Variants in CCDC181 observed in about 807,000 individuals in gnomAD.
The protein encoded by CCDC181 is coiled-coil domain-containing protein 181.
In CCDC181, 35 loss-of-function variants were observed where a neutral mutation model predicts 58.7. The ratio of observed to expected loss-of-function variants is 0.60; its 90% confidence interval spans 0.46 to 0.79. CCDC181 has a LOEUF of 0.79. CCDC181 is among the 30% of genes least tolerant of loss of function. The pLI is 0.00. For synonymous variants in CCDC181, 183 were observed against 197.5 expected, an observed-to-expected ratio of 0.93 and a Z score of 0.62; for missense variants, 517 against 583.9, an observed-to-expected ratio of 0.89 and a Z score of 1.18.
intron 2 of CCDC181, among the ~76,000 whole-genome samples, chr1:169,446,885 TA>T (rs1657391853): frequency 6.6e-6 from 1 of 152,230 alleles, no homozygotes; most frequent in African/African-American, 2.4e-5. Flanking sequence ...AATTTCCCTC[TA>T]AACATTGCTT....
chr1:169,457,274 G>T (rs1657700145), intron 2 of CCDC181, among the ~76,000 whole-genome samples: 1 of 152,034 alleles, frequency 6.6e-6, no homozygotes, highest in Non-Finnish European at 1.5e-5. Context: ...GTGGATTCAT[G>T]TTTTTCGTCA....
chr1:169,424,922 A>C lies in CCDC181; in HGVS notation c.6T>G (p.Asn2Lys). 6.4e-7 allele frequency: 1 copy of C among 1,557,606 alleles called. No homozygotes were observed. The highest frequency in any genetic ancestry group is 8.8e-7 in the Non-Finnish European group (1 of 1,131,490). ...TCTTTGAATCAGTATCTTTATTTTC[A>C]TTCATTTTCTGTTTGTGAAGGAAAT... M[N>K]ENKDTDSKKS... is the part of the protein sequence containing the mutation. Residue 2 changes from asparagine to lysine, a missense_variant, in exon 2 of 6, where the codon AAT becomes AAG. By Grantham distance (94) the Asn-to-Lys change is moderately conservative. Coordinates refer to ENST00000367806, the MANE Select transcript of CCDC181 (RefSeq NM_001300969.2).
At chr1:169,428,557 A>G (rs1477126353), upstream of CCDC181, among the ~76,000 whole-genome samples, 1 of 151,994 alleles carries the variant, frequency 6.6e-6, no homozygotes, top group East Asian at 1.9e-4. Flanking sequence ...GGTTACATGG[A>G]TAAGTTCTTT....
chr1:169,423,316 CATTT>C, intron 2 of CCDC181, among the ~76,000 whole-genome samples: 2 of 151,980 alleles, frequency 1.3e-5, no homozygotes, highest in South Asian at 4.1e-4. Context: ...CACAAGTGTT[CATTT>C]TAGCCTTATT....
At chr1:169,442,504 T>C (rs1034369264) in intron 2 of CCDC181, 1 of 152,138 alleles carries the variant, frequency 6.6e-6, no homozygotes, top group African/African-American at 2.4e-5. Flanking sequence ...GTCCAGAAAG[T>C]AGAATGTGAT....
chr1:169,422,413 G>T, intron 2 of CCDC181, 100 bp from the exon 3 acceptor site: 1 of 839,756 alleles, frequency 1.2e-6, no homozygotes, highest in Non-Finnish European at 1.8e-6. Flanking sequence ...TTTTATGAAT[G>T]GGAAAATTTA....
intron 4 of CCDC181, among the ~76,000 whole-genome samples, chr1:169,399,182 A>G (rs1217102754): frequency 6.6e-6 from 1 of 152,168 alleles, no homozygotes; most frequent in Admixed American, 6.5e-5. Context: ...CCATTTTAGA[A>G]ATATCATTCT....
At chr1:169,437,471 T>C (rs1326657223) in intron 2 of CCDC181, among the ~76,000 whole-genome samples, 2 of 152,214 alleles carry the variant, frequency 1.3e-5, no homozygotes, top group Admixed American at 6.5e-5. Context: ...TGCCCAGGAA[T>C]GAACAAGGAC....
At chr1:169,431,677 A>C (rs552016375), upstream of CCDC181, among the ~76,000 whole-genome samples, 1 of 152,026 alleles carries the variant, frequency 6.6e-6, no homozygotes, top group Admixed American at 6.6e-5. Context: ...CATCTACCCA[A>C]CCCCAAACCC....
chr1:169,445,513 T>C (rs574633345), intron 2 of CCDC181, among the ~76,000 whole-genome samples: 2 of 152,306 alleles, frequency 1.3e-5, no homozygotes, highest in East Asian at 3.9e-4. Context: ...CATATCATCC[T>C]TTTTGTACAT....
At chr1:169,398,129 G>A (rs1278528294) in intron 4 of CCDC181, among the ~76,000 whole-genome samples, 1 of 152,162 alleles carries the variant, frequency 6.6e-6, no homozygotes, top group East Asian at 1.9e-4. Context: ...CTGGAAGTCT[G>A]GGAATTGCTA....
chr1:169,406,271 A>G (rs550826186), intron 4 of CCDC181, among the ~76,000 whole-genome samples: 2 of 152,350 alleles, frequency 1.3e-5, no homozygotes, highest in African/African-American at 4.8e-5. Flanking sequence ...TAGAAATACC[A>G]TTTGACCCAG....
At chr1:169,401,814 G>C (rs1014781723) in intron 4 of CCDC181, among the ~76,000 whole-genome samples, 4 of 152,204 alleles carry the variant, frequency 2.6e-5, no homozygotes, top group Non-Finnish European at 4.4e-5. Flanking sequence ...TTGATGAGTT[G>C]AGAGAAGAAG....
At chr1:169,449,369 T>C (rs2101755493) in intron 2 of CCDC181, among the ~76,000 whole-genome samples, 2 of 152,330 alleles carry the variant, frequency 1.3e-5, no homozygotes, top group East Asian at 3.9e-4. Context: ...AGTATCCGTT[T>C]TCCTTCCTAT....
At chr1:169,395,301 T>G in intron 5 of CCDC181, 95 bp from the exon 6 acceptor site, 1 of 1,106,414 alleles carries the variant, frequency 9.0e-7, no homozygotes, top group Non-Finnish European at 1.2e-6. Context: ...AAATGGACAT[T>G]TCTTTACAAT....
chr1:169,439,841 T>C (rs907685001), intron 2 of CCDC181, among the ~76,000 whole-genome samples: 2 of 152,002 alleles, frequency 1.3e-5, no homozygotes, highest in African/African-American at 4.8e-5. Context: ...GATAAGATGA[T>C]CTTTCCCTGA....
At chr1:169,457,547 A>T (rs555778730) in intron 2 of CCDC181, among the ~76,000 whole-genome samples, 4 of 152,296 alleles carry the variant, frequency 2.6e-5, no homozygotes, top group African/African-American at 7.2e-5. Context: ...TGATACAAAC[A>T]AGAGTTAAGT....
chr1:169,432,859 T>C (rs920042952), intron 2 of CCDC181, among the ~76,000 whole-genome samples: 1 of 152,076 alleles, frequency 6.6e-6, no homozygotes, highest in Non-Finnish European at 1.5e-5. Flanking sequence ...ATAAAAGGCA[T>C]ATATGAAAAA....
chr1:169,409,398 C>A (rs1655837305), intron 4 of CCDC181, among the ~76,000 whole-genome samples: 1 of 152,084 alleles, frequency 6.6e-6, no homozygotes, highest in African/African-American at 2.4e-5. Context: ...TGTGAAAAGA[C>A]CAAACCTACG....
Sources: gnomAD v4.1 joint callset for allele counts (sites outside exome capture counted in the v4.1 genomes callset) on GRCh38, gnomAD v4.1.1 for gene constraint, MANE v1.5 for transcripts, NCBI Gene and HGNC (gene_info 2026-07-23, HGNC 2026-07-21) for gene names.